SCHIP1: variants seen among roughly 807,000 people sequenced by gnomAD.
SCHIP1 encodes schwannomin interacting protein 1.
In SCHIP1, 8 loss-of-function variants were observed where a neutral mutation model predicts 29.7. The ratio of observed to expected loss-of-function variants is 0.27; its 90% confidence interval spans 0.16 to 0.49. SCHIP1 has a LOEUF of 0.49. Among genes scored for constraint, SCHIP1 ranks in the 20% least tolerant of loss-of-function variants. The pLI, the probability that SCHIP1 is intolerant of heterozygous loss-of-function variation, is 0.99. For synonymous variants in SCHIP1, 76 were observed against 94.9 expected (o/e 0.80, Z 1.16); for missense variants, 193 against 294.6 (o/e 0.66, Z 2.52).
the SCHIP1 span, among the ~76,000 whole-genome samples, chr3:159,571,215 G>A: frequency 5.3e-5 from 8 of 152,150 alleles, no homozygotes; most frequent in African/African-American, 7.2e-5. Flanking sequence ...GTCTTGTTCC[G>A]GTTTTCAAGG....
At chr3:159,346,320 G>A in the SCHIP1 span, among the ~76,000 whole-genome samples, 1 of 139,038 alleles carries the variant, frequency 7.2e-6, no homozygotes, top group Non-Finnish European at 1.5e-5. Context: ...TTCAATGAAA[G>A]ATTTGGAAGG....
exon 3 of SCHIP1, chr3:159,886,312 C>G: frequency 1.2e-6 from 2 of 1,613,964 alleles, no homozygotes; most frequent in Non-Finnish European, 1.7e-6. Flanking sequence ...TGGACACCCC[C>G]TTGTCTCCCA....
At chr3:159,385,157 C>G in the SCHIP1 span, among the ~76,000 whole-genome samples, 1 of 152,140 alleles carries the variant, frequency 6.6e-6, no homozygotes, top group Non-Finnish European at 1.5e-5. Flanking sequence ...ATCTAAGCCA[C>G]TTGGTGATGA....
At chr3:159,451,232 A>G in the SCHIP1 span, among the ~76,000 whole-genome samples, 1 of 152,266 alleles carries the variant, frequency 6.6e-6, no homozygotes, top group Non-Finnish European at 1.5e-5. Flanking sequence ...CACATGTTAA[A>G]GTACACGTGG....
the SCHIP1 span, among the ~76,000 whole-genome samples, chr3:159,408,080 C>G: frequency 3.0e-3 from 460 of 152,104 alleles, no homozygotes; most frequent in African/African-American, 0.011. Flanking sequence ...AGGCGGATCA[C>G]GAGGTCAGGA....
At chr3:159,644,815 G>A in the SCHIP1 span, among the ~76,000 whole-genome samples, 2 of 152,244 alleles carry the variant, frequency 1.3e-5, no homozygotes, top group African/African-American at 4.8e-5. Context: ...ACGTGGGAAA[G>A]AGACTATCAG....
the SCHIP1 span, among the ~76,000 whole-genome samples, chr3:159,506,906 C>T: frequency 6.6e-6 from 1 of 152,110 alleles, no homozygotes. Context: ...AGCGTGATGC[C>T]CCCAGCTTTG....
chr3:159,403,586 G>A, the SCHIP1 span, among the ~76,000 whole-genome samples: 7 of 152,210 alleles, frequency 4.6e-5, no homozygotes, highest in African/African-American at 7.2e-5. Context: ...TGCCCACAGA[G>A]GGAACATTTA....
At chr3:159,707,881 C>A in the SCHIP1 span, among the ~76,000 whole-genome samples, 2 of 152,204 alleles carry the variant, frequency 1.3e-5, no homozygotes, top group African/African-American at 4.8e-5. Context: ...CAGCAGGCAA[C>A]TCACCTGACC....
chr3:159,454,361 C>T, the SCHIP1 span, among the ~76,000 whole-genome samples: 2 of 152,228 alleles, frequency 1.3e-5, no homozygotes, highest in East Asian at 1.9e-4. Context: ...TGACAACCCA[C>T]CTCTCACCTG....
At chr3:159,752,305 A>G in the SCHIP1 span, among the ~76,000 whole-genome samples, 1 of 152,226 alleles carries the variant, frequency 6.6e-6, no homozygotes, top group African/African-American at 2.4e-5. Flanking sequence ...CAATCTTACC[A>G]TCCATAGTTA....
At chr3:159,795,165 C>G in the SCHIP1 span, among the ~76,000 whole-genome samples, 2 of 152,160 alleles carry the variant, frequency 1.3e-5, no homozygotes, top group African/African-American at 4.8e-5. Context: ...AATTCTTCTG[C>G]TAAACACGGT....
chr3:159,809,626 C>A, the SCHIP1 span, among the ~76,000 whole-genome samples: 3 of 149,532 alleles, frequency 2.0e-5, no homozygotes, highest in African/African-American at 7.4e-5. Context: ...CGCCATTGTA[C>A]TCCAGCCTGG....
the SCHIP1 span, among the ~76,000 whole-genome samples, chr3:159,738,910 G>A: frequency 3.3e-5 from 5 of 152,160 alleles, no homozygotes; most frequent in Non-Finnish European, 7.3e-5. Flanking sequence ...GTCTGGGAAT[G>A]GAGCATTCTA....
chr3:159,676,112 C>T, the SCHIP1 span, among the ~76,000 whole-genome samples: 4 of 152,248 alleles, frequency 2.6e-5, no homozygotes, highest in East Asian at 1.9e-4. Flanking sequence ...GCCTGAGCGA[C>T]GGTGCAAGAC....
chr3:159,826,674 A>C, the SCHIP1 span, among the ~76,000 whole-genome samples: 1 of 152,190 alleles, frequency 6.6e-6, no homozygotes, highest in Non-Finnish European at 1.5e-5. Context: ...GAGATGTTGG[A>C]ATGAGGTAGG....
At chr3:159,680,246 A>C in the SCHIP1 span, among the ~76,000 whole-genome samples, 77 of 151,740 alleles carry the variant, frequency 5.1e-4, no homozygotes, top group South Asian at 4.4e-3. Context: ...CGCGGTGGCT[A>C]ACGCCTGTAA....
chr3:159,628,270 G>A, the SCHIP1 span, among the ~76,000 whole-genome samples: 7 of 152,284 alleles, frequency 4.6e-5, no homozygotes, highest in African/African-American at 4.8e-5. Flanking sequence ...AGCTTGGAAC[G>A]AGCTGTGAGG....
the SCHIP1 span, among the ~76,000 whole-genome samples, chr3:159,504,664 C>T: frequency 6.6e-6 from 1 of 152,022 alleles, no homozygotes; most frequent in Non-Finnish European, 1.5e-5. Flanking sequence ...TTTTGTACCC[C>T]TCCTCGCAAA....
Sources: allele counts gnomAD v4.1 joint callset (sites outside exome capture counted in the v4.1 genomes callset), GRCh38; gene constraint gnomAD v4.1.1; transcripts MANE v1.5; gene names NCBI Gene and HGNC (gene_info 2026-07-23, HGNC 2026-07-21).